Variants in RASGRF1 observed in about 807,000 individuals in gnomAD.
RASGRF1 encodes the protein Ras protein specific guanine nucleotide releasing factor 1.
RASGRF1 carries 40 observed loss-of-function variants against 138.7 expected under a neutral mutation model. That is an observed-to-expected ratio of 0.29 (90% CI 0.22 to 0.38). The LOEUF (loss-of-function observed/expected upper bound fraction) is 0.38, where lower values mean the gene tolerates loss of function less well. RASGRF1 is among the 10% of genes least tolerant of loss of function. RASGRF1 has a pLI of 1.00. For missense variants in RASGRF1, 1,108 were observed against 1,650.4 expected (o/e 0.67, Z 5.69); for synonymous variants, 614 against 663.2 (o/e 0.93, Z 1.14).
intron 22 of RASGRF1, 59 bp from the exon 23 acceptor site, chr15:78,985,263 A>C: frequency 6.8e-7 from 1 of 1,463,688 alleles, no homozygotes. Flanking sequence ...AAGATGATAA[A>C]TGGTCACTAT....
chr15:79,052,035 C>T (rs77773016), intron 3 of RASGRF1, among the ~76,000 whole-genome samples: 8,903 of 152,164 alleles, frequency 0.059, 360 homozygotes, highest in Admixed American at 0.11. Flanking sequence ...CTTAGTTGAC[C>T]CTCGTGAATT....
chr15:79,058,400 G>T lies in RASGRF1; in HGVS notation c.465C>A (p.Thr155=). The change falls in exon 3 of 27, where the codon ACC becomes ACA. Residue 155 remains threonine, a synonymous_variant. Transcript: ENST00000558480. Reference sequence around the variant, plus strand: ...TCTGCTGCCGAAGCTGCTTGGCCACGGTCTTCTCTGTCTCCACGATCTGCA... The same window carrying T: ...TCTGCTGCCGAAGCTGCTTGGCCACTGTCTTCTCTGTCTCCACGATCTGCA... The part of the protein sequence containing the change: ...HLLQIVETEK[T]VAKQLRQQIE... 6.2e-7 allele frequency: 1 copy of T among 1,614,098 alleles called. No homozygotes were observed. The highest frequency in any genetic ancestry group is 8.5e-7 in the Non-Finnish European group (1 of 1,180,026).
At chr15:79,007,326 C>T (rs994154619) in intron 13 of RASGRF1, among the ~76,000 whole-genome samples, 2 of 152,178 alleles carry the variant, frequency 1.3e-5, no homozygotes, top group Non-Finnish European at 2.9e-5. Flanking sequence ...GTGCTTACGC[C>T]ACTGGAATCG....
At position 79,090,647 on chromosome 15, in the gene RASGRF1, A is replaced by G. The variant is rs963516148; in HGVS notation, c.-149T>C. 13 of 1,131,202 alleles carry G rather than the reference A, an allele frequency of 1.1e-5. No homozygotes were observed. Among genetic ancestry groups the G allele is most frequent in the Non-Finnish European group, 1.6e-5 (13 of 809,926 alleles). 70.1% of individuals were successfully genotyped at this position (1,131,202 alleles called of 1,614,324 possible). On this transcript the variant is annotated 5_prime_UTR_variant, in exon 1 of 27. Transcript: ENST00000558480. ...TCCCCCCAAATATCTACACTCCAGG[A>G]TCTGGCGCCGAGCCGCGGCTTCTTG...
At chr15:78,970,621 CAAAAAAAAAAA>C (rs55689628) in intron 26 of RASGRF1, among the ~76,000 whole-genome samples, 13 of 57,904 alleles carry the variant, frequency 2.2e-4, no homozygotes, top group African/African-American at 4.2e-4. Flanking sequence ...GACTCTGTCT[CAAAAAAAAAAA>C]AAAAAAAAAA....
At chr15:78,990,152 A>T in intron 22 of RASGRF1, 37 bp downstream of exon 22, 2 of 1,494,288 alleles carry the variant, frequency 1.3e-6, no homozygotes, top group Non-Finnish European at 1.9e-6. Flanking sequence ...TGCCAAAGAA[A>T]AACCCCAGTG....
rs1285509478 is a variant in RASGRF1 at position 79,006,839 on chromosome 15, CTG to C, written c.1827-407_1827-406del. Among the ~76,000 whole-genome samples, 2 of 152,102 alleles carry C rather than the reference CTG, an allele frequency of 1.3e-5. No homozygotes were observed. Among genetic ancestry groups the C allele is most frequent in the East Asian group, 3.9e-4 (2 of 5,170 alleles). On this transcript the variant is annotated intron_variant, in intron 13 of 26. Transcript: ENST00000558480. The surrounding 1 kb of genome is among the most constrained non-coding windows in gnomAD (Gnocchi z 4.0). The stretch of plus-strand genomic sequence containing the variant: ...CCAGCCTGGGCAACATGGCGAAACC[CTG>C]TCTCTCTTAAAAATACAAAAGTTAG...
Position 79,006,233 on chromosome 15 carries a change from G to A in RASGRF1, c.2028C>T (p.Asp676=). The A allele has an allele frequency of 6.2e-7, 1 of 1,614,220 alleles. No homozygotes were observed. ...GCTTCTTGTAGATGGTAATGAGCTT[G>A]TCCAGGACCACGATGGCGGTGGTGA... ...RVFTTAIVVL[D]KLITIYKKPI... is the part of the protein sequence containing the mutation. Residue 676 remains aspartate, a synonymous_variant, in exon 14 of 27, where the codon GAC becomes GAT. Coordinates refer to ENST00000558480, the MANE Select transcript of RASGRF1 (RefSeq NM_001145648.3). This position sits in a 1 kb window ranked among gnomAD's most constrained non-coding sequence, Gnocchi z 4.0.
intron 16 of RASGRF1, among the ~76,000 whole-genome samples, chr15:79,001,064 G>A (rs140118820): frequency 1.4e-4 from 22 of 152,298 alleles, no homozygotes; most frequent in African/African-American, 4.3e-4. Context: ...TATGAAAACC[G>A]GAGACCAAGA....
In RASGRF1 at chr15:79,090,450, G is replaced by T; in HGVS notation, c.49C>A (p.Leu17Met). ...LNDGHVASLG[L>M]LARKDGTRKG... ...CGCGTGCCGTCCTTGCGCGCCAGCA[G>T]TCCCAGGGACGCGACGTGGCCATCA... is the stretch of plus-strand genomic sequence containing the variant. Residue 17 changes from leucine to methionine, a missense_variant, in exon 1 of 27, where the codon CTG becomes ATG. Physicochemically the swap from Leu to Met is conservative, Grantham distance 15 (BLOSUM62 2). Around this residue, in one of 3 missense-constraint regions of RASGRF1, gnomAD observed 253 missense variants for 329.5 expected, o/e 0.77. Transcript: ENST00000558480. The T allele has an allele frequency of 6.2e-7, 1 of 1,613,104 alleles. No homozygotes were observed. Among genetic ancestry groups the T allele is most frequent in the Non-Finnish European group, 8.5e-7 (1 of 1,179,976 alleles).
intron 14 of RASGRF1, 66 bp from the exon 15 acceptor site, chr15:79,004,241 G>A (rs1245996699): frequency 6.7e-7 from 1 of 1,497,162 alleles, no homozygotes. Flanking sequence ...AGGCCTGGGG[G>A]CCGTCTCCGG....
Position 78,971,891 on chromosome 15 carries a change from G to T in RASGRF1, c.3656C>A (p.Ala1219Asp). 6.3e-7 allele frequency: 1 copy of T among 1,589,526 alleles called. No individual in the cohort carries two copies. Among genetic ancestry groups the T allele is most frequent in the Non-Finnish European group, 8.6e-7 (1 of 1,157,560 alleles). ...IREIRQFQQT[A>D]YKIEHQAKVT... ...CTTTGCTTGGTGCTCTATTTTGTAG[G>T]CAGTTTGTTGAAACTGGCGAATCTC... Residue 1219 changes from alanine to aspartate, a missense_variant, in exon 26 of 27, where the codon GCC becomes GAC. Physicochemically the swap from Ala to Asp is moderately radical, Grantham distance 126. Around this residue, in one of 3 missense-constraint regions of RASGRF1, gnomAD observed 686 missense variants for 976.7 expected, o/e 0.70. Coordinates refer to ENST00000558480, the MANE Select transcript of RASGRF1 (RefSeq NM_001145648.3).
intron 13 of RASGRF1, among the ~76,000 whole-genome samples, chr15:79,013,113 G>C (rs1315728621): frequency 2.6e-5 from 4 of 152,206 alleles, no homozygotes; most frequent in South Asian, 2.1e-4. Flanking sequence ...TAGGTAGGTA[G>C]GTATTATCAT....
At chr15:79,033,740 C>T (rs1352639319) in intron 6 of RASGRF1, among the ~76,000 whole-genome samples, 1 of 151,634 alleles carries the variant, frequency 6.6e-6, no homozygotes, top group East Asian at 1.9e-4. Flanking sequence ...CAGGTGTGCA[C>T]CACTACACCT....
chr15:79,062,470 C>T (rs1180725536), intron 2 of RASGRF1, among the ~76,000 whole-genome samples: 1 of 152,220 alleles, frequency 6.6e-6, no homozygotes, highest in African/African-American at 2.4e-5. Flanking sequence ...TAGCGGTATT[C>T]AAGATCCAGT....
intron 13 of RASGRF1, among the ~76,000 whole-genome samples, chr15:79,009,547 C>T (rs1039264838): frequency 1.3e-5 from 2 of 152,108 alleles, no homozygotes; most frequent in African/African-American, 4.8e-5. Flanking sequence ...GATCATCTGA[C>T]CCCTCTGGCA....
chr15:78,979,343 CA>C, intron 24 of RASGRF1: 1 of 486,058 alleles, frequency 2.1e-6, no homozygotes, highest in African/African-American at 2.0e-5. Flanking sequence ...CTGTCAAAGC[CA>C]CTGTCAAGGG....
In RASGRF1 at chr15:79,090,626, C is replaced by G. The variant is rs1046130165; in HGVS notation, c.-128G>C. ...TCGCTCCCTCTAGCTCTCCCCTCCC[C>G]CCAAATATCTACACTCCAGGATCTG... On this transcript the variant is annotated 5_prime_UTR_variant, in exon 1 of 27. Coordinates refer to ENST00000558480, the MANE Select transcript of RASGRF1 (RefSeq NM_001145648.3). The G allele has an allele frequency of 3.0e-6, 4 of 1,321,258 alleles. No individual in the cohort carries two copies. The highest frequency in any genetic ancestry group is 2.1e-5 in the Admixed American group (1 of 48,780). 81.8% of individuals were successfully genotyped at this position (1,321,258 alleles called of 1,614,324 possible).
chr15:79,047,911 G>A (rs1316326580), intron 4 of RASGRF1, among the ~76,000 whole-genome samples: 3 of 152,132 alleles, frequency 2.0e-5, no homozygotes, highest in Admixed American at 6.5e-5. Flanking sequence ...AGTTGTCCAG[G>A]GGCAGACCTG....
Sources: allele counts gnomAD v4.1 joint callset (sites outside exome capture counted in the v4.1 genomes callset), GRCh38; gene constraint gnomAD v4.1.1; regional missense constraint gnomAD v4.1.1; non-coding constraint Gnocchi (gnomAD v3.1); transcripts MANE v1.5; gene names NCBI Gene and HGNC (gene_info 2026-07-23, HGNC 2026-07-21).